ATP11C: variants seen among roughly 807,000 people sequenced by gnomAD.
The protein encoded by ATP11C is phospholipid-transporting ATPase IG.
In ATP11C, 36 loss-of-function variants were observed where a neutral mutation model predicts 97.4. That is an observed-to-expected ratio of 0.37 (90% CI 0.28 to 0.49). The LOEUF (loss-of-function observed/expected upper bound fraction) is 0.49. Among genes scored for constraint, ATP11C ranks in the 20% least tolerant of loss-of-function variants. The pLI is 0.98. For synonymous variants in ATP11C, 275 were observed against 290.9 expected (o/e 0.95, Z 0.56); for missense variants, 730 against 824.6 (o/e 0.89, Z 1.40).
intron 1 of ATP11C, among the ~76,000 whole-genome samples, chrX:139,898,762 G>A (rs2084850027): frequency 8.9e-6 from 1 of 111,853 alleles, no homozygotes; most frequent in African/African-American, 3.3e-5. Flanking sequence ...AAAAACAATG[G>A]AGAAGGTCTC....
intron 5 of ATP11C, among the ~76,000 whole-genome samples, chrX:139,809,045 A>T (rs769075808): frequency 9.1e-6 from 1 of 110,145 alleles, no homozygotes; most frequent in East Asian, 2.9e-4. Flanking sequence ...CTCAGGAGGC[A>T]GAGGCTGCAG....
chrX:139,879,626 G>A (rs1463832590), intron 1 of ATP11C, among the ~76,000 whole-genome samples: 7 of 111,941 alleles, frequency 6.3e-5, no homozygotes, highest in Non-Finnish European at 1.3e-4. Flanking sequence ...TAATTTGACC[G>A]TGATAATCAT....
At chrX:139,809,584 T>C (rs375948634) in intron 5 of ATP11C, among the ~76,000 whole-genome samples, 6 of 112,472 alleles carry the variant, frequency 5.3e-5, no homozygotes, top group African/African-American at 1.9e-4. Flanking sequence ...GGAAAAGTTC[T>C]GGAAATGGAT....
intron 1 of ATP11C, among the ~76,000 whole-genome samples, chrX:139,836,873 C>T (rs1386435977): frequency 1.8e-5 from 2 of 111,485 alleles, no homozygotes; most frequent in Non-Finnish European, 3.8e-5. Context: ...TCCCAGCAAC[C>T]AAGGTACAAA....
rs748877812 is a variant in ATP11C at position 139,905,697 on chromosome X, A to T, written c.27+26319T>A. 3.1e-4 allele frequency among the ~76,000 whole-genome samples: 35 copies of T among 111,212 alleles called. No homozygotes were observed. In the South Asian group the frequency reaches 4.1e-3, roughly 13 times the overall value. ...GTGACACAGGAAAAGTTTTTTTTTT[A>T]AAGTACTTACGTATTTTATGTAAAA... On this transcript the variant is annotated intron_variant, in intron 1 of 29. Coordinates refer to ENST00000682941, the MANE Select transcript of ATP11C (RefSeq NM_001353812.2).
chrX:139,785,141 A>C (rs1008045111), intron 16 of ATP11C, 85 bp downstream of exon 16: 15 of 730,033 alleles, frequency 2.1e-5, no homozygotes, highest in Non-Finnish European at 3.1e-5. Flanking sequence ...TACTACATGA[A>C]ATGATTCTCT....
intron 1 of ATP11C, among the ~76,000 whole-genome samples, chrX:139,877,587 A>G (rs777813222): frequency 1.4e-4 from 16 of 111,916 alleles, no homozygotes; most frequent in African/African-American, 5.2e-4. Flanking sequence ...GGGGAATGAA[A>G]ATGTTAAAGA....
At position 139,932,003 on chromosome X, in the gene ATP11C, C is replaced by T; in HGVS notation, c.27+13G>A. On this transcript the variant is annotated intron_variant, in intron 1 of 29. Coordinates refer to ENST00000682941, the MANE Select transcript of ATP11C (RefSeq NM_001353812.2). ...CAAACCGGCACGCGCGGAGCCGCAG[C>T]GAGTGTACTTACAAAACGATTCAAG... The T allele has an allele frequency of 8.6e-7, 1 of 1,163,473 alleles. No individual in the cohort carries two copies. Among genetic ancestry groups the T allele is most frequent in the Non-Finnish European group, 1.1e-6 (1 of 870,221 alleles).
intron 26 of ATP11C, among the ~76,000 whole-genome samples, chrX:139,742,818 T>C (rs2081584999): frequency 9.7e-6 from 1 of 103,158 alleles, no homozygotes; most frequent in African/African-American, 3.5e-5. Flanking sequence ...ATTTTAATGA[T>C]GAATACATTT....
At chrX:139,875,457 G>A (rs1243381612) in intron 1 of ATP11C, among the ~76,000 whole-genome samples, 1 of 108,721 alleles carries the variant, frequency 9.2e-6, no homozygotes, top group Admixed American at 9.9e-5. Context: ...AATTAGCTGG[G>A]CGAGGTGGCA....
At chrX:139,754,139 C>G (rs958801594) in intron 23 of ATP11C, among the ~76,000 whole-genome samples, 3 of 111,184 alleles carry the variant, frequency 2.7e-5, no homozygotes, top group Non-Finnish European at 3.8e-5. Context: ...AATGACAAAG[C>G]AGATGATACT....
chrX:139,802,336 G>T lies in ATP11C; in HGVS notation c.559C>A (p.His187Asn), dbSNP rs199612746. The change falls in exon 7 of 30, where the codon CAT becomes AAT. Residue 187 changes from histidine to asparagine, a missense_variant. Coordinates refer to ENST00000682941, the MANE Select transcript of ATP11C (RefSeq NM_001353812.2). ...SLDGESNCKT[H>N]YAVRDTIALC... Reference sequence around the variant, plus strand: ...GCAATGGTATCACGTACTGCATAATGTGTCTAGTTGAAAGCAGAAGAAAAA... The same window carrying T: ...GCAATGGTATCACGTACTGCATAATTTGTCTAGTTGAAAGCAGAAGAAAAA... The T allele has an allele frequency of 5.1e-4, 597 of 1,164,110 alleles. No homozygotes were observed. The highest frequency in any genetic ancestry group is 6.0e-4 in the Non-Finnish European group (512 of 858,253).
At chrX:139,907,794 G>A (rs145071414) in intron 1 of ATP11C, among the ~76,000 whole-genome samples, 7 of 110,008 alleles carry the variant, frequency 6.4e-5, no homozygotes, top group African/African-American at 2.0e-4. Context: ...ACCTTCTCTG[G>A]GTTGTTACAC....
intron 14 of ATP11C, 124 bp downstream of exon 14, chrX:139,788,068 G>A: frequency 3.0e-6 from 2 of 662,396 alleles, no homozygotes; most frequent in Non-Finnish European, 2.2e-6. Context: ...AAGCAGTTGT[G>A]TTTTTTATTA....
At position 139,787,171 on chromosome X, in the gene ATP11C, A is replaced by G; in HGVS notation, c.1592+2T>C. 8.3e-7 allele frequency: 1 copy of G among 1,204,870 alleles called. No homozygotes were observed. Among genetic ancestry groups the G allele is most frequent in the Non-Finnish European group, 1.1e-6 (1 of 890,626 alleles). On this transcript the variant is annotated splice_donor_variant, in intron 15 of 29. Transcript: ENST00000682941. LOFTEE classifies it high-confidence loss of function. ...ACAAACATCAAACACAGAGCTACTTACTCTTCTATTTCTTTTCTTTGGTTC... is the reference window on the plus strand; with the variant it reads ...ACAAACATCAAACACAGAGCTACTTGCTCTTCTATTTCTTTTCTTTGGTTC...
At chrX:139,779,420 T>C (rs752084769) in intron 18 of ATP11C, among the ~76,000 whole-genome samples, 2 of 111,777 alleles carry the variant, frequency 1.8e-5, no homozygotes, top group East Asian at 5.6e-4. Context: ...TAGAAATCAA[T>C]ACCAAGGGGA....
intron 23 of ATP11C, among the ~76,000 whole-genome samples, chrX:139,750,470 A>T (rs1161955370): frequency 8.9e-6 from 1 of 112,212 alleles, no homozygotes; most frequent in Non-Finnish European, 1.9e-5. Flanking sequence ...GCTATTCTGG[A>T]GTTACTTCAG....
chrX:139,800,855 T>C (rs1028722570), intron 7 of ATP11C, among the ~76,000 whole-genome samples: 3 of 112,138 alleles, frequency 2.7e-5, no homozygotes, highest in Admixed American at 9.5e-5. Flanking sequence ...CCCCAGAAAA[T>C]AGAAATATAT....
At chrX:139,847,250 G>A (rs754257165) in intron 1 of ATP11C, among the ~76,000 whole-genome samples, 5 of 110,332 alleles carry the variant, frequency 4.5e-5, no homozygotes, top group Admixed American at 3.9e-4. Flanking sequence ...GCATGGTGGC[G>A]TGCATGCCTG....
Sources: gnomAD v4.1 joint callset for allele counts (sites outside exome capture counted in the v4.1 genomes callset) on GRCh38, gnomAD v4.1.1 for gene constraint, MANE v1.5 for transcripts, NCBI Gene and HGNC (gene_info 2026-07-23, HGNC 2026-07-21) for gene names.